The following RANBP2 variants were observed in gnomAD, a reference collection of about 807,000 sequenced individuals.
RANBP2 encodes RAN binding protein 2.
Under a neutral mutation model 303.6 loss-of-function variants are expected in RANBP2, and 57 were observed. The observed-to-expected ratio is 0.19, with a 90% CI of 0.15 to 0.23. RANBP2 has a LOEUF of 0.23. Among genes scored for constraint, RANBP2 ranks in the 10% least tolerant of loss-of-function variants. The pLI is 1.00. For synonymous variants in RANBP2, 1,167 were observed against 1,301.5 expected, an observed-to-expected ratio of 0.90 and a Z score of 2.23; for missense variants, 3,138 against 3,780.8, an observed-to-expected ratio of 0.83 and a Z score of 4.46.
the RANBP2 span, among the ~76,000 whole-genome samples, chr2:109,314,866 T>C: frequency 6.6e-6 from 1 of 152,200 alleles, no homozygotes; most frequent in Non-Finnish European, 1.5e-5. Context: ...GAGGAGACCC[T>C]CTGAGTTGGT....
chr2:109,503,042 C>G, the RANBP2 span: 1 of 152,170 alleles, frequency 6.6e-6, no homozygotes, highest in Non-Finnish European at 1.5e-5. Context: ...AGCTTTGATG[C>G]TGGGACCTCC....
At chr2:109,568,930 C>CTG in the RANBP2 span, among the ~76,000 whole-genome samples, 3 of 152,180 alleles carry the variant, frequency 2.0e-5, no homozygotes, top group African/African-American at 7.2e-5. Context: ...CTATCACTGA[C>CTG]AGAGGGCAAG....
the RANBP2 span, among the ~76,000 whole-genome samples, chr2:109,219,183 G>A: frequency 6.6e-6 from 1 of 152,226 alleles, no homozygotes; most frequent in Non-Finnish European, 1.5e-5. Flanking sequence ...ACCGCCTGGA[G>A]CATGGGAGGA....
At chr2:108,910,676 CATGTGAG>C in the RANBP2 span, 1 of 1,456,662 alleles carries the variant, frequency 6.9e-7, no homozygotes, top group East Asian at 2.3e-5. Flanking sequence ...TATGGTTCAG[CATGTGAG>C]AGCAGAAGCA....
At chr2:109,352,997 G>A in the RANBP2 span, among the ~76,000 whole-genome samples, 1 of 152,238 alleles carries the variant, frequency 6.6e-6, no homozygotes, top group Non-Finnish European at 1.5e-5. Context: ...TGGCTCCTGG[G>A]AGCAGTCCTG....
the RANBP2 span, chr2:109,595,110 C>G: frequency 6.6e-6 from 1 of 152,238 alleles, no homozygotes; most frequent in Non-Finnish European, 1.5e-5. Flanking sequence ...TGGTCTCAAA[C>G]TCCTGAACTC....
chr2:109,484,502 G>C, the RANBP2 span, among the ~76,000 whole-genome samples: 3 of 152,096 alleles, frequency 2.0e-5, no homozygotes, highest in Non-Finnish European at 4.4e-5. Context: ...CACCAGCCCA[G>C]GCCTTTTCAT....
At chr2:109,284,368 G>A in the RANBP2 span, among the ~76,000 whole-genome samples, 2 of 152,210 alleles carry the variant, frequency 1.3e-5, no homozygotes, top group African/African-American at 2.4e-5. Context: ...CAGACAAGCT[G>A]CAGGAGATGA....
intron 18 of RANBP2, among the ~76,000 whole-genome samples, chr2:108,759,004 G>C (rs1211746743): frequency 1.3e-5 from 2 of 149,064 alleles, no homozygotes; most frequent in African/African-American, 5.0e-5. Context: ...ATCATACTGG[G>C]TTTTTAAGTT....
At chr2:109,538,598 C>T in the RANBP2 span, among the ~76,000 whole-genome samples, 2 of 152,218 alleles carry the variant, frequency 1.3e-5, no homozygotes, top group East Asian at 1.9e-4. Context: ...CTTACCACGG[C>T]GGCCTCTGCC....
the RANBP2 span, among the ~76,000 whole-genome samples, chr2:108,935,054 T>C: frequency 6.6e-6 from 1 of 152,214 alleles, no homozygotes. Flanking sequence ...CTAGTGCCTG[T>C]AGGCATTTCA....
chr2:109,555,559 A>G, the RANBP2 span, among the ~76,000 whole-genome samples: 1 of 152,224 alleles, frequency 6.6e-6, no homozygotes, highest in African/African-American at 2.4e-5. Flanking sequence ...ATTCTCATAA[A>G]TGCAGAATGT....
chr2:108,759,579 C>G (rs1676576536), intron 18 of RANBP2, among the ~76,000 whole-genome samples: 1 of 152,094 alleles, frequency 6.6e-6, no homozygotes, highest in Non-Finnish European at 1.5e-5. Context: ...ATAGTTAAGG[C>G]AACCCCACTA....
At chr2:109,333,665 T>G in the RANBP2 span, among the ~76,000 whole-genome samples, 4 of 152,192 alleles carry the variant, frequency 2.6e-5, no homozygotes, top group African/African-American at 4.8e-5. Flanking sequence ...AGACAAAGTT[T>G]GCTGACCGCT....
chr2:108,891,651 G>A, the RANBP2 span, among the ~76,000 whole-genome samples: 1 of 152,206 alleles, frequency 6.6e-6, no homozygotes, highest in African/African-American at 2.4e-5. Flanking sequence ...TGGGCCTCCA[G>A]GTGGCTTGTT....
chr2:109,016,628 G>C, the RANBP2 span, among the ~76,000 whole-genome samples: 1 of 152,202 alleles, frequency 6.6e-6, no homozygotes, highest in African/African-American at 2.4e-5. Context: ...GCAAGCCCGG[G>C]ACCTGGCTGC....
At chr2:109,266,249 C>A in the RANBP2 span, among the ~76,000 whole-genome samples, 1 of 144,336 alleles carries the variant, frequency 6.9e-6, no homozygotes, top group African/African-American at 2.6e-5. Flanking sequence ...GTTGTGTGTG[C>A]TGTGTGTGTT....
the RANBP2 span, among the ~76,000 whole-genome samples, chr2:109,253,261 C>T: frequency 2.2e-4 from 34 of 152,132 alleles, no homozygotes; most frequent in South Asian, 4.1e-4. Context: ...TGAAGTGATC[C>T]GCCTGCCTCA....
At chr2:109,103,822 C>G in the RANBP2 span, among the ~76,000 whole-genome samples, 3 of 148,684 alleles carry the variant, frequency 2.0e-5, no homozygotes, top group Admixed American at 1.4e-4. Context: ...GAGATGGAGT[C>G]TTGCTCTGTC....
Sources: gnomAD v4.1 joint callset for allele counts (sites outside exome capture counted in the v4.1 genomes callset) on GRCh38, gnomAD v4.1.1 for gene constraint, MANE v1.5 for transcripts, NCBI Gene and HGNC (gene_info 2026-07-23, HGNC 2026-07-21) for gene names.